KMT2C: variants seen among roughly 807,000 people sequenced by gnomAD.
The protein encoded by KMT2C is lysine methyltransferase 2C.
A neutral mutation model predicts 507.9 loss-of-function variants in KMT2C; 88 were observed. The ratio of observed to expected loss-of-function variants is 0.17; its 90% CI spans 0.15 to 0.21. KMT2C has a LOEUF of 0.21. KMT2C is among the 10% of genes least tolerant of loss of function. The probability of loss-of-function intolerance (pLI) is 1.00; values close to 1 mark genes in which losing one functional copy is unlikely to be tolerated. For synonymous variants in KMT2C, 2,049 were observed against 2,080.8 expected (o/e 0.98, Z 0.42); for missense variants, 4,954 against 5,957.8 (o/e 0.83, Z 5.55).
At chr7:152,394,761 T>C (rs1347069780) in intron 1 of KMT2C, among the ~76,000 whole-genome samples, 1 of 152,202 alleles carries the variant, frequency 6.6e-6, no homozygotes, top group Non-Finnish European at 1.5e-5. Flanking sequence ...TTCCCGTGCT[T>C]ATGGACTACT....
chr7:152,189,153 T>G (rs2093714980), intron 31 of KMT2C, among the ~76,000 whole-genome samples: 1 of 152,210 alleles, frequency 6.6e-6, no homozygotes, highest in Non-Finnish European at 1.5e-5. Context: ...ATCTTATGCT[T>G]CTTTACAACA....
Position 152,163,289 on chromosome 7 carries a change from C to T in KMT2C, c.10288G>A (p.Glu3430Lys). Residue 3430 changes from glutamate to lysine, a missense_variant, in exon 43 of 59, where the codon GAA (glutamate) becomes AAA (lysine). Physicochemically the swap from Glu to Lys is moderately conservative, Grantham distance 56. This residue lies in a region of KMT2C where 801 missense variants were observed against 751.2 expected (regional missense o/e 1.07). Transcript: ENST00000262189. The stretch of plus-strand genomic sequence containing the variant: ...CCCACCATACCATGCTGCTCCATTT[C>T]CATCCTCTGCTGCAAAGCTCTTTGT... ...DRQRALQQRM[E>K]MEQHGMVGSE... 1 of 1,614,176 alleles carries T rather than the reference C, an allele frequency of 6.2e-7. No homozygotes were observed. Among genetic ancestry groups the T allele is most frequent in the Non-Finnish European group, 8.5e-7 (1 of 1,180,030 alleles).
intron 2 of KMT2C, among the ~76,000 whole-genome samples, chr7:152,339,371 G>C (rs938538700): frequency 6.6e-6 from 1 of 151,984 alleles, no homozygotes; most frequent in African/African-American, 2.4e-5. Flanking sequence ...CAGAAATCAC[G>C]GATATTTTCT....
rs1477418525 is a variant in KMT2C at position 152,181,601 on chromosome 7, G to C, written c.6259C>G (p.His2087Asp). 7 of 1,614,082 alleles carry C rather than the reference G, an allele frequency of 4.3e-6. No individual in the cohort carries two copies. The highest frequency in any genetic ancestry group is 5.9e-6 in the Non-Finnish European group (7 of 1,180,024). ...CTATATGGATCATTTGACTGATTAT[G>C]AGAAAAATTATCTATAGGTCTTGGT... ...LTPRPIDNFS[H>D]NQSNDPYSQP... The change falls in exon 36 of 59, where the codon CAT (histidine) becomes GAT (aspartate). Residue 2087 changes from histidine to aspartate, a missense_variant. By Grantham distance (81) the His-to-Asp change is moderately conservative. Coordinates refer to ENST00000262189, the MANE Select transcript of KMT2C (RefSeq NM_170606.3).
chr7:152,364,784 T>C (rs1236432549), intron 1 of KMT2C, among the ~76,000 whole-genome samples: 1 of 152,004 alleles, frequency 6.6e-6, no homozygotes, highest in African/African-American at 2.4e-5. Context: ...CCCTGTGGAA[T>C]AATAGCAACC....
intron 22 of KMT2C, 52 bp from the exon 23 acceptor site, chr7:152,220,787 G>A (rs2129145873): frequency 7.3e-7 from 1 of 1,365,496 alleles, no homozygotes; most frequent in African/African-American, 1.4e-5. Context: ...TTTCAAATTT[G>A]ACTGATTACT....
chr7:152,156,477 A>G lies in KMT2C; in HGVS notation c.11671-131T>C, dbSNP rs1020672380. On this transcript the variant is annotated intron_variant, in intron 44 of 58. Coordinates refer to ENST00000262189, the MANE Select transcript of KMT2C (RefSeq NM_170606.3). ...GAAATGTAATCAAGATGTATCTTGC[A>G]CACCAAGAAAACAATACCTACAAGG... The G allele has an allele frequency of 5.3e-5, 61 of 1,151,878 alleles. No homozygotes were observed. In the Admixed American group the frequency reaches 1.6e-3, roughly 30 times the overall value. The allele number at this position is 1,151,878 out of a possible 1,614,324, so 71.4% of individuals were successfully genotyped here.
At position 152,213,035 on chromosome 7, in the gene KMT2C, G is replaced by A. The variant is rs186442671; in HGVS notation, c.3713-5607C>T. Among the ~76,000 whole-genome samples the A allele has an allele frequency of 5.0e-3, 761 of 152,294 alleles. 5 individuals carry two copies. The highest frequency in any genetic ancestry group is 0.017 in the African/African-American group (721 of 41,566). ...TGCACTTCTGCCTGGGCAACAGAGC[G>A]TGACTCTGTCTCAAAAAACAGAAAA... is the stretch of plus-strand genomic sequence containing the variant. On this transcript the variant is annotated intron_variant, in intron 23 of 58. Coordinates refer to ENST00000262189, the MANE Select transcript of KMT2C (RefSeq NM_170606.3).
At position 152,138,587 on chromosome 7, in the gene KMT2C, A is replaced by G; in HGVS notation, c.14643+209T>C. On this transcript the variant is annotated intron_variant, in intron 58 of 58. Transcript: ENST00000262189. This position sits in a 1 kb window ranked among gnomAD's most constrained non-coding sequence, Gnocchi z 4.2. ...CAGAAGGGAAGGGAGAGGTGACAGC[A>G]AATGCTCACAGAGCTGCCATGTGGA... 2.1e-6 allele frequency: 1 copy of G among 469,916 alleles called. No individual in the cohort carries two copies. Among genetic ancestry groups the G allele is most frequent in the Middle Eastern group, 5.6e-4 (1 of 1,784 alleles). The allele number at this position is 469,916 out of a possible 1,614,324, so 29.1% of individuals were successfully genotyped here.
intron 1 of KMT2C, chr7:152,368,018 T>C (rs1325129187): frequency 8.2e-6 from 7 of 852,770 alleles, no homozygotes; most frequent in Admixed American, 2.0e-5. Flanking sequence ...TTAAGATATA[T>C]GATTTTCCAG....
chr7:152,370,981 G>A (rs1234685809), intron 1 of KMT2C, among the ~76,000 whole-genome samples: 1 of 152,146 alleles, frequency 6.6e-6, no homozygotes, highest in East Asian at 1.9e-4. Flanking sequence ...ACCACCATTA[G>A]ACCTGCCTTA....
At chr7:152,208,675 A>G (rs916099885) in intron 23 of KMT2C, among the ~76,000 whole-genome samples, 2 of 152,252 alleles carry the variant, frequency 1.3e-5, no homozygotes, top group Non-Finnish European at 2.9e-5. Flanking sequence ...TATTACAGGA[A>G]AAAGACATGT....
At chr7:152,339,642 G>T (rs2096971617) in intron 2 of KMT2C, among the ~76,000 whole-genome samples, 1 of 151,990 alleles carries the variant, frequency 6.6e-6, no homozygotes, top group African/African-American at 2.4e-5. Context: ...TACCAAAGGG[G>T]ACTATGGCAC....
chr7:152,175,549 T>C (rs1177765403), intron 38 of KMT2C, among the ~76,000 whole-genome samples: 1 of 150,952 alleles, frequency 6.6e-6, no homozygotes. Flanking sequence ...CTCCCACTTA[T>C]GAGTGAGAAC....
In KMT2C at chr7:152,150,893, A is replaced by T; in HGVS notation, c.12774+7T>A. 2 of 1,576,466 alleles carry T rather than the reference A, an allele frequency of 1.3e-6. No homozygotes were observed. The highest frequency in any genetic ancestry group is 1.7e-6 in the Non-Finnish European group (2 of 1,146,218). The stretch of plus-strand genomic sequence containing the variant: ...ATTGTTATCAGCTGAGATTATCCTA[A>T]TCTCACCTTGTTTTCTGAGTTTTTC... On this transcript the variant is annotated splice_region_variant and intron_variant, in intron 51 of 58. Coordinates refer to ENST00000262189, the MANE Select transcript of KMT2C (RefSeq NM_170606.3).
At chr7:152,323,521 T>C (rs1287967840) in intron 3 of KMT2C, among the ~76,000 whole-genome samples, 1 of 150,788 alleles carries the variant, frequency 6.6e-6, no homozygotes, top group Non-Finnish European at 1.5e-5. Flanking sequence ...ACAACTGTAG[T>C]CCCAGCCACT....
At chr7:152,296,441 A>T (rs1488027567) in intron 6 of KMT2C, among the ~76,000 whole-genome samples, 1 of 151,522 alleles carries the variant, frequency 6.6e-6, no homozygotes, top group Non-Finnish European at 1.5e-5. Flanking sequence ...TCAAAAAAAA[A>T]AAAAAGAGAG....
At chr7:152,409,788 GGTTTT>G in intron 1 of KMT2C, among the ~76,000 whole-genome samples, 1 of 152,358 alleles carries the variant, frequency 6.6e-6, no homozygotes, top group Non-Finnish European at 1.5e-5. Context: ...AGTGACCAGA[GGTTTT>G]ATTTCTTGGG....
intron 6 of KMT2C, among the ~76,000 whole-genome samples, chr7:152,291,108 T>C (rs951308105): frequency 1.3e-5 from 2 of 152,328 alleles, no homozygotes; most frequent in East Asian, 1.9e-4. Flanking sequence ...TTACAAAATA[T>C]TATGAAATCT....
Sources: allele counts gnomAD v4.1 joint callset (sites outside exome capture counted in the v4.1 genomes callset), GRCh38; gene constraint gnomAD v4.1.1; regional missense constraint gnomAD v4.1.1; non-coding constraint Gnocchi (gnomAD v3.1); transcripts MANE v1.5; gene names NCBI Gene and HGNC (gene_info 2026-07-23, HGNC 2026-07-21).